The following DNAH7 variants were observed in gnomAD, a reference collection of about 807,000 sequenced individuals.
DNAH7 encodes the protein axonemal beta dynein heavy chain 7.
Under a neutral mutation model 444.6 loss-of-function variants are expected in DNAH7, and 397 were observed. That is an observed-to-expected ratio of 0.89 (90% confidence interval 0.82 to 0.97). DNAH7 has a LOEUF of 0.97. DNAH7 is among the 50% of genes least tolerant of loss of function. The pLI is 0.00. For missense variants in DNAH7, 4,902 were observed against 4,800.8 expected (o/e 1.02, Z -0.62); for synonymous variants, 1,636 against 1,624.4 (o/e 1.01, Z -0.17).
chr2:195,913,235 G>A (rs1687464011), intron 24 of DNAH7, among the ~76,000 whole-genome samples: 1 of 152,094 alleles, frequency 6.6e-6, no homozygotes. Context: ...GAATATAAGA[G>A]ATAGGAACCT....
rs753894530 is a variant in DNAH7 at position 196,058,108 on chromosome 2, C to A, written c.24G>T (p.Ser8=). MSSEQDK[S]ASKEKSKKPV... ...GTTTCTTGGATTTTTCTTTGCTGGC[C>A]GATTTATCCTGTATGAAAAACATGA... Residue 8 remains serine, a synonymous_variant, in exon 2 of 65, where the codon TCG becomes TCT. Transcript: ENST00000312428. 4 of 1,581,000 alleles carry A rather than the reference C, an allele frequency of 2.5e-6. No individual in the cohort carries two copies. The highest frequency in any genetic ancestry group is 2.7e-5 in the African/African-American group (2 of 73,816).
At chr2:195,955,172 T>C (rs1430970274) in intron 19 of DNAH7, among the ~76,000 whole-genome samples, 1 of 152,232 alleles carries the variant, frequency 6.6e-6, no homozygotes, top group South Asian at 2.1e-4. Flanking sequence ...AACACTTAAG[T>C]CTTTAATCCA....
chr2:196,014,366 T>C lies in DNAH7; in HGVS notation c.870-1460A>G, dbSNP rs558712840. Among the ~76,000 whole-genome samples the C allele has an allele frequency of 1.1e-4, 17 of 152,246 alleles. No individual in the cohort carries two copies. The South Asian group carries it at 3.5e-3, about 32-fold the overall frequency. On this transcript the variant is annotated intron_variant, in intron 9 of 64. Coordinates refer to ENST00000312428, the MANE Select transcript of DNAH7 (RefSeq NM_018897.3). Reference sequence around the variant, plus strand: ...TCTAATCACCAAAATAACTTCTTGATTGCAATTTTCTATTAGTAGAACCGA... The same window carrying C: ...TCTAATCACCAAAATAACTTCTTGACTGCAATTTTCTATTAGTAGAACCGA...
chr2:195,936,763 A>C lies in DNAH7; in HGVS notation c.3108T>G (p.Ile1036Met), dbSNP rs1161881889. The change falls in exon 20 of 65, where the codon ATT becomes ATG. Residue 1036 changes from isoleucine (I) to methionine (M), a missense_variant. Transcript: ENST00000312428. ...QDKHVLTVVT[I>M]DRMLERLKKS... Reference sequence around the variant, plus strand: ...TTTTCAGCCTTTCCAGCATTCTGTCAATGGTTACAACTGTCAGAACATGTT... The same window carrying C: ...TTTTCAGCCTTTCCAGCATTCTGTCCATGGTTACAACTGTCAGAACATGTT... 13 of 1,583,700 alleles carry C rather than the reference A, an allele frequency of 8.2e-6. No individual in the cohort carries two copies. The highest frequency in any genetic ancestry group is 1.1e-5 in the Non-Finnish European group (13 of 1,168,008).
intron 58 of DNAH7, among the ~76,000 whole-genome samples, chr2:195,778,679 C>CAG (rs1695216637): frequency 9.8e-6 from 1 of 101,534 alleles, no homozygotes; most frequent in Non-Finnish European, 1.8e-5. Flanking sequence ...TACACACACA[C>CAG]ACATATATAT....
rs1697364916 is a variant in DNAH7 at position 195,819,531 on chromosome 2, T to C, written c.9292-1702A>G. Among the ~76,000 whole-genome samples the C allele has an allele frequency of 2.0e-5, 3 of 152,134 alleles. No homozygotes were observed. In the South Asian group the frequency reaches 6.2e-4, roughly 31 times the overall value. ...ATTTTATATAAAATAATAGCTACCATGAATCAGGCTCTATGATATAAAGAA... is the reference window on the plus strand; with the variant it reads ...ATTTTATATAAAATAATAGCTACCACGAATCAGGCTCTATGATATAAAGAA... On this transcript the variant is annotated intron_variant, in intron 49 of 64. Coordinates refer to ENST00000312428, the MANE Select transcript of DNAH7 (RefSeq NM_018897.3).
intron 9 of DNAH7, 58 bp from the exon 10 acceptor site, chr2:196,012,964 T>G: frequency 1.6e-6 from 2 of 1,236,504 alleles, no homozygotes; most frequent in Non-Finnish European, 1.1e-6. Flanking sequence ...ATTTAATATT[T>G]TATTAATTGG....
chr2:195,810,924 G>A (rs1696940516), intron 51 of DNAH7, among the ~76,000 whole-genome samples: 1 of 152,114 alleles, frequency 6.6e-6, no homozygotes, highest in Non-Finnish European at 1.5e-5. Flanking sequence ...TTAATACAGG[G>A]TGACTCACAT....
intron 46 of DNAH7, 122 bp downstream of exon 46, chr2:195,853,221 G>T: frequency 1.3e-6 from 1 of 795,278 alleles, no homozygotes; most frequent in Non-Finnish European, 1.8e-6. Flanking sequence ...CAGAAATCAT[G>T]CAAAAATACC....
chr2:195,864,614 C>T lies in DNAH7; in HGVS notation c.7041G>A (p.Arg2347=). ...GGGCAGCTAATCTGGTGACAGACTG[C>T]CTTCCACTCCCTCCAACCCCTACTA... ...ALLVGVGGSG[R]QSVTRLAAHM... Residue 2347 remains arginine (R), a synonymous_variant, in exon 41 of 65, where the codon AGG becomes AGA. Coordinates refer to ENST00000312428, the MANE Select transcript of DNAH7 (RefSeq NM_018897.3). The T allele has an allele frequency of 9.3e-6, 15 of 1,614,164 alleles. No homozygotes were observed. Among genetic ancestry groups the T allele is most frequent in the Non-Finnish European group, 1.3e-5 (15 of 1,180,036 alleles).
At chr2:195,871,442 GCATGAGCCT>G (rs1559167606) in intron 40 of DNAH7, among the ~76,000 whole-genome samples, 1 of 152,050 alleles carries the variant, frequency 6.6e-6, no homozygotes, top group Non-Finnish European at 1.5e-5. Flanking sequence ...GGGATTACAG[GCATGAGCCT>G]CCTCTACCAC....
chr2:195,993,124 G>T (rs1408084169), intron 12 of DNAH7, among the ~76,000 whole-genome samples: 1 of 152,164 alleles, frequency 6.6e-6, no homozygotes, highest in Non-Finnish European at 1.5e-5. Flanking sequence ...AGGATTAAGG[G>T]ATCCATGCCT....
At position 195,891,691 on chromosome 2, in the gene DNAH7, G is replaced by C. The variant is rs754270935; in HGVS notation, c.5010C>G (p.Val1670=). ...DSVSHEWSDG[V]LAVSFRAFAS... is the part of the protein sequence containing the mutation. ...CAAATGCTCTAAAACTGACAGCAAG[G>C]ACCCCATCAGACCATTCATGGGACA... Residue 1670 remains valine (V), a synonymous_variant, in exon 31 of 65, where the codon GTC becomes GTG. Coordinates refer to ENST00000312428, the MANE Select transcript of DNAH7 (RefSeq NM_018897.3). 2.1e-5 allele frequency: 33 copies of C among 1,597,104 alleles called. No homozygotes were observed. Among genetic ancestry groups the C allele is most frequent in the Non-Finnish European group, 2.7e-5 (32 of 1,172,692 alleles).
intron 34 of DNAH7, among the ~76,000 whole-genome samples, chr2:195,885,664 T>C (rs951465358): frequency 6.6e-6 from 1 of 152,230 alleles, no homozygotes; most frequent in Non-Finnish European, 1.5e-5. Flanking sequence ...ATTTTAAAAA[T>C]TGGTTTATTT....
At chr2:195,824,165 T>C in intron 49 of DNAH7, 90 bp downstream of exon 49, 1 of 1,249,900 alleles carries the variant, frequency 8.0e-7, no homozygotes, top group Non-Finnish European at 1.1e-6. Flanking sequence ...CCGTTTTTCT[T>C]AGGAAGACTT....
chr2:196,023,985 T>C (rs1328261714), intron 8 of DNAH7, among the ~76,000 whole-genome samples: 2 of 152,138 alleles, frequency 1.3e-5, no homozygotes, highest in Non-Finnish European at 2.9e-5. Flanking sequence ...ATTGACATCG[T>C]TTGCCATTTT....
intron 23 of DNAH7, among the ~76,000 whole-genome samples, chr2:195,922,691 A>C (rs1688095707): frequency 6.6e-6 from 1 of 152,122 alleles, no homozygotes; most frequent in Admixed American, 6.5e-5. Context: ...ACAAAAGCCT[A>C]TATGATGAAA....
intron 5 of DNAH7, among the ~76,000 whole-genome samples, chr2:196,043,471 T>A (rs1017107131): frequency 2.0e-5 from 3 of 152,098 alleles, no homozygotes; most frequent in African/African-American, 4.8e-5. Context: ...TCTAGAAGAT[T>A]ACATCAGAAA....
Position 195,824,455 on chromosome 2 carries a change from A to G in DNAH7, c.9101-10T>C. 1 of 1,587,208 alleles carries G rather than the reference A, an allele frequency of 6.3e-7. No homozygotes were observed. The highest frequency in any genetic ancestry group is 8.6e-7 in the Non-Finnish European group (1 of 1,169,216). ...ACATTTTCTAGCAACACTGGAGTAA[A>G]ATCAGAAAAGATTTCATGTTATTTT... On this transcript the variant is annotated splice_polypyrimidine_tract_variant and intron_variant, in intron 48 of 64. Transcript: ENST00000312428.
Sources: gnomAD v4.1 joint callset for allele counts (sites outside exome capture counted in the v4.1 genomes callset) on GRCh38, gnomAD v4.1.1 for gene constraint, MANE v1.5 for transcripts, NCBI Gene and HGNC (gene_info 2026-07-23, HGNC 2026-07-21) for gene names.